The following PSD3 variants were observed in gnomAD, a reference collection of about 807,000 sequenced individuals.
PSD3 encodes the protein pleckstrin and Sec7 domain containing 3.
In PSD3, 49 loss-of-function variants were observed where a neutral mutation model predicts 105.5. That is an observed-to-expected ratio of 0.46 (90% CI 0.37 to 0.59). The LOEUF is 0.59. Among genes scored for constraint, PSD3 ranks in the 20% least tolerant of loss-of-function variants. The pLI, the probability that PSD3 is intolerant of heterozygous loss-of-function variation, is 0.00. For synonymous variants in PSD3, 557 were observed against 457.8 expected (o/e 1.22, Z -2.77); for missense variants, 1,561 against 1,263.8 (o/e 1.24, Z -3.57).
At chr8:18,707,483 C>T (rs1179811402) in intron 9 of PSD3, among the ~76,000 whole-genome samples, 1 of 152,156 alleles carries the variant, frequency 6.6e-6, no homozygotes, top group African/African-American at 2.4e-5. Flanking sequence ...CAGTTGACAG[C>T]CCCACAACAC....
rs142036224 is a variant in PSD3, at chr8:18,953,865, T to C, written c.22-17723A>G. 8.6e-5 allele frequency among the ~76,000 whole-genome samples: 13 copies of C among 151,962 alleles called. No individual in the cohort carries two copies. In the East Asian group the frequency reaches 2.3e-3, roughly 27 times the overall value. ...TGACATGGATGTATGCCAACATATA[T>C]AAAAAACAAACTGAAAAAAATATGT... is the stretch of plus-strand genomic sequence containing the variant. On this transcript the variant is annotated intron_variant, in intron 1 of 15. Coordinates refer to ENST00000327040, the MANE Select transcript of PSD3 (RefSeq NM_015310.4).
chr8:18,985,036 C>T (rs368193587), intron 1 of PSD3, among the ~76,000 whole-genome samples: 2 of 152,272 alleles, frequency 1.3e-5, no homozygotes, highest in East Asian at 1.9e-4. Flanking sequence ...CAGGTTCAAG[C>T]GATTCTCGTG....
chr8:18,750,529 G>C (rs1443100897), intron 9 of PSD3, among the ~76,000 whole-genome samples: 1 of 152,104 alleles, frequency 6.6e-6, no homozygotes, highest in Non-Finnish European at 1.5e-5. Flanking sequence ...GCAGTAGCAA[G>C]ATTTATTGCA....
chr8:18,727,046 C>T (rs1216662924), intron 9 of PSD3, among the ~76,000 whole-genome samples: 3 of 151,774 alleles, frequency 2.0e-5, no homozygotes, highest in Non-Finnish European at 4.4e-5. Context: ...ATATAAAAAT[C>T]GTCCAGGCAG....
intron 9 of PSD3, among the ~76,000 whole-genome samples, chr8:18,659,908 G>A (rs779900714): frequency 6.6e-6 from 1 of 152,156 alleles, no homozygotes; most frequent in Non-Finnish European, 1.5e-5. Context: ...CAGGGTTTGG[G>A]GAGAAACATT....
chr8:18,938,542 G>A (rs1822306561), intron 1 of PSD3, among the ~76,000 whole-genome samples: 1 of 150,114 alleles, frequency 6.7e-6, no homozygotes, highest in South Asian at 2.1e-4. Context: ...AGAATCGCTT[G>A]AACCTGGGAC....
intron 1 of PSD3, among the ~76,000 whole-genome samples, chr8:19,027,917 G>A (rs1179869486): frequency 6.6e-6 from 1 of 152,016 alleles, no homozygotes; most frequent in Non-Finnish European, 1.5e-5. Context: ...TTAATTTTTT[G>A]TGTGTACATG....
chr8:18,771,720 A>G (rs1025806752), intron 8 of PSD3, among the ~76,000 whole-genome samples: 14 of 152,212 alleles, frequency 9.2e-5, no homozygotes, highest in African/African-American at 3.4e-4. Flanking sequence ...TTATATCAGC[A>G]TAACTCTTGA....
At chr8:18,830,660 A>C (rs1382560803) in intron 4 of PSD3, among the ~76,000 whole-genome samples, 3 of 152,190 alleles carry the variant, frequency 2.0e-5, no homozygotes, top group Non-Finnish European at 4.4e-5. Flanking sequence ...GAGTTACCTA[A>C]AGAACAACAT....
At chr8:18,669,728 G>A (rs1373326340) in intron 9 of PSD3, among the ~76,000 whole-genome samples, 1 of 152,226 alleles carries the variant, frequency 6.6e-6, no homozygotes, top group East Asian at 1.9e-4. Flanking sequence ...GACGATGTTT[G>A]ATGGCAGTTA....
rs928901198 is a variant in PSD3 at position 18,535,914 on chromosome 8, G to C, written c.2973C>G (p.Gly991=). 2 of 1,614,040 alleles carry C rather than the reference G, an allele frequency of 1.2e-6. No homozygotes were observed. The highest frequency in any genetic ancestry group is 2.7e-5 in the African/African-American group (2 of 74,910). The change falls in exon 16 of 16, where the codon GGC becomes GGG. Residue 991 remains glycine, a synonymous_variant. Coordinates refer to ENST00000327040, the MANE Select transcript of PSD3 (RefSeq NM_015310.4). ...EMYVSILKEG[G]KELLSNDESE... is the part of the protein sequence containing the mutation. ...TTTCATCGTTACTCAGTAGCTCTTT[G>C]CCTCCTTCCTTGAGAATGCTGACAT...
chr8:18,773,939 T>G (rs1321591269), intron 8 of PSD3, among the ~76,000 whole-genome samples: 1 of 152,250 alleles, frequency 6.6e-6, no homozygotes, highest in East Asian at 1.9e-4. Flanking sequence ...GTAGTTTCAC[T>G]TGAACTTATT....
intron 4 of PSD3, among the ~76,000 whole-genome samples, chr8:18,808,407 T>G (rs1586079768): frequency 6.6e-6 from 1 of 152,350 alleles, no homozygotes; most frequent in Middle Eastern, 3.4e-3. Flanking sequence ...AGGCTTATTC[T>G]AATGAGAACA....
At chr8:18,920,978 T>C (rs1820974763) in intron 2 of PSD3, among the ~76,000 whole-genome samples, 1 of 152,220 alleles carries the variant, frequency 6.6e-6, no homozygotes, top group Non-Finnish European at 1.5e-5. Context: ...CCTATACTTA[T>C]AATATTTTCA....
Position 18,535,794 on chromosome 8 carries a change from C to G in PSD3, c.3093G>C (p.Glu1031Asp), listed in dbSNP as rs760015968. 6.2e-7 allele frequency: 1 copy of G among 1,614,134 alleles called. No individual in the cohort carries two copies. The highest frequency in any genetic ancestry group is 2.2e-5 in the East Asian group (1 of 44,876). ...GTGTTTCAGGTCGGTGATCCTTCCT[C>G]TCTGACACGTTACGCTTGACTTTGG... ...ITAKVKRNVS[E>D]RKDHRPETPS... Residue 1031 changes from glutamate to aspartate, a missense_variant, in exon 16 of 16, where the codon GAG (glutamate) becomes GAC (aspartate). Physicochemically the swap from Glu to Asp is conservative, Grantham distance 45. Coordinates refer to ENST00000327040, the MANE Select transcript of PSD3 (RefSeq NM_015310.4).
intron 4 of PSD3, among the ~76,000 whole-genome samples, chr8:18,818,206 C>T (rs1812387017): frequency 2.0e-5 from 3 of 152,170 alleles, no homozygotes; most frequent in South Asian, 2.1e-4. Context: ...CCATCCGCCT[C>T]GGCCTCCCAA....
At chr8:18,876,769 G>A (rs1817760612) in intron 2 of PSD3, among the ~76,000 whole-genome samples, 1 of 152,116 alleles carries the variant, frequency 6.6e-6, no homozygotes, top group Non-Finnish European at 1.5e-5. Context: ...GTAAACCTAT[G>A]TCTAATATTT....
intron 10 of PSD3, among the ~76,000 whole-genome samples, chr8:18,644,527 T>A (rs1456133346): frequency 1.3e-5 from 2 of 152,190 alleles, no homozygotes; most frequent in Non-Finnish European, 2.9e-5. Flanking sequence ...TGAGACCTCA[T>A]CAAAATGGAC....
chr8:18,685,621 C>T (rs1487766), intron 9 of PSD3, among the ~76,000 whole-genome samples: 22,950 of 151,974 alleles, frequency 0.15, 3,552 homozygotes, highest in African/African-American at 0.38. Context: ...CTGAAGCTAC[C>T]AAATAACTGT....
Sources: allele counts gnomAD v4.1 joint callset (sites outside exome capture counted in the v4.1 genomes callset), GRCh38; gene constraint gnomAD v4.1.1; transcripts MANE v1.5; gene names NCBI Gene and HGNC (gene_info 2026-07-23, HGNC 2026-07-21).